Variants in ATP4A observed in about 807,000 individuals in gnomAD.
ATP4A encodes potassium-transporting ATPase alpha chain 1.
Under a neutral mutation model 112.1 loss-of-function variants are expected in ATP4A, and 73 were observed. The ratio of observed to expected loss-of-function variants is 0.65; its 90% CI spans 0.54 to 0.79. The LOEUF is 0.79. ATP4A is among the 30% of genes least tolerant of loss of function. The pLI is 0.00. For synonymous variants in ATP4A, 588 were observed against 588.9 expected, an observed-to-expected ratio of 1.00 and a Z score of 0.02; for missense variants, 1,081 against 1,425.9, an observed-to-expected ratio of 0.76 and a Z score of 3.90.
At position 35,557,947 on chromosome 19, in the gene ATP4A, G is replaced by T. The variant is rs902792963; in HGVS notation, c.1501-100C>A. The T allele has an allele frequency of 1.7e-5, 16 of 958,976 alleles. No individual in the cohort carries two copies. The highest frequency in any genetic ancestry group is 2.2e-5 in the Non-Finnish European group (15 of 670,854). 59.4% of individuals were successfully genotyped at this position (958,976 alleles called of 1,614,324 possible). ...GCTGAGGAGAGGGGCGGGGCCGAGA[G>T]CTCGGTGCGGGCTCTGAGAGCTGCG... On this transcript the variant is annotated intron_variant, in intron 10 of 21. Coordinates refer to ENST00000262623, the MANE Select transcript of ATP4A (RefSeq NM_000704.3). The surrounding 1 kb of genome is among the most constrained non-coding windows in gnomAD (Gnocchi z 4.4).
chr19:35,555,630 T>C lies in ATP4A; in HGVS notation c.2007-40A>G. 1 of 1,580,534 alleles carries C rather than the reference T, an allele frequency of 6.3e-7. No homozygotes were observed. On this transcript the variant is annotated intron_variant, in intron 13 of 21. Transcript: ENST00000262623. This position sits in a 1 kb window ranked among gnomAD's most constrained non-coding sequence, Gnocchi z 6.6. Reference sequence around the variant, plus strand: ...GGAGGACCTCGCTGGGACCTCGGTCTGTGCCAGATGTGGGGAGAACCCCGG... The same window carrying C: ...GGAGGACCTCGCTGGGACCTCGGTCCGTGCCAGATGTGGGGAGAACCCCGG...
intron 16 of ATP4A, 129 bp from the exon 17 acceptor site, chr19:35,553,958 G>A (rs1242284413): frequency 2.4e-5 from 32 of 1,342,146 alleles, no homozygotes; most frequent in East Asian, 8.0e-5. Context: ...CTGCAGGGAC[G>A]GCACAGCCAC....
At position 35,559,121 on chromosome 19, in the gene ATP4A, T is replaced by C; in HGVS notation, c.1127A>G (p.Glu376Gly). The C allele has an allele frequency of 6.2e-7, 1 of 1,614,166 alleles. No individual in the cohort carries two copies. The highest frequency in any genetic ancestry group is 1.1e-5 in the South Asian group (1 of 91,088). The change falls in exon 8 of 22, where the codon GAG (glutamate) becomes GGG (glycine). Residue 376 changes from glutamate to glycine, a missense_variant. Coordinates refer to ENST00000262623, the MANE Select transcript of ATP4A (RefSeq NM_000704.3). This position sits in a 1 kb window ranked among gnomAD's most constrained non-coding sequence, Gnocchi z 4.1. The stretch of plus-strand genomic sequence containing the variant: ...GATCACCGAAGTGGAGCCCAATGTC[T>C]CCACCGCCTCCAGGTTCTTGACCAC... ...NCVVKNLEAV[E>G]TLGSTSVICS...
At chr19:35,552,841 G>A (rs550694456) in intron 18 of ATP4A, among the ~76,000 whole-genome samples, 196 bp downstream of exon 18, 14 of 152,334 alleles carry the variant, frequency 9.2e-5, no homozygotes, top group Admixed American at 2.6e-4. Context: ...CTGCAGTTGC[G>A]ATCATCAGAA....
At position 35,557,776 on chromosome 19, in the gene ATP4A, G is replaced by A; in HGVS notation, c.1572C>T (p.Arg524=). 6 of 1,582,734 alleles carry A rather than the reference G, an allele frequency of 3.8e-6. No individual in the cohort carries two copies. Among genetic ancestry groups the A allele is most frequent in the Non-Finnish European group, 5.2e-6 (6 of 1,159,102 alleles). ...HLLVMKGAPE[R]VLERCSSILI... is the part of the protein sequence containing the mutation. ...GGATGGAGCTGCAGCGCTCCAGCAC[G>A]CGCTCGGGGGCGCCCTTCATCACCA... The change falls in exon 11 of 22, where the codon CGC becomes CGT. Residue 524 remains arginine, a synonymous_variant. Transcript: ENST00000262623. The surrounding 1 kb of genome is among the most constrained non-coding windows in gnomAD (Gnocchi z 4.4).
In ATP4A at chr19:35,557,124, GGCACACCCTTTCTTAGCAGGGCCA is replaced by G; in HGVS notation, c.1694-60_1694-37del. ...ACGGGGAAGTCAGGGAAGAGCCCTG[GGCACACCCTTTCTTAGCAGGGCCA>G]GGAAATGGGTAAAATAACCAGGCCC... On this transcript the variant is annotated intron_variant, in intron 11 of 21. Coordinates refer to ENST00000262623, the MANE Select transcript of ATP4A (RefSeq NM_000704.3). This position sits in a 1 kb window ranked among gnomAD's most constrained non-coding sequence, Gnocchi z 4.4. The G allele has an allele frequency of 6.2e-7, 1 of 1,609,674 alleles. No individual in the cohort carries two copies.
At position 35,559,906 on chromosome 19, in the gene ATP4A, T is replaced by TA. The variant is rs35530151; in HGVS notation, c.954dup (p.Ile319TyrfsTer27). On this transcript the variant is annotated frameshift_variant, in exon 7 of 22. Transcript: ENST00000262623. LOFTEE classifies it high-confidence loss of function. This position sits in a 1 kb window ranked among gnomAD's most constrained non-coding sequence, Gnocchi z 4.1. Reference sequence around the variant, plus strand: ...GTGTAGCCAATGCACATGGCCACAATAAAAAATGTGGCACCGAAGAGAATG... The same window carrying TA: ...GTGTAGCCAATGCACATGGCCACAATAAAAAAATGTGGCACCGAAGAGAATG... 8.1e-6 allele frequency: 13 copies of TA among 1,614,030 alleles called. No individual in the cohort carries two copies. Among genetic ancestry groups the TA allele is most frequent in the Non-Finnish European group, 1.1e-5 (13 of 1,180,010 alleles).
Position 35,550,510 on chromosome 19 carries a change from G to A in ATP4A, c.*105C>T. 1 of 1,462,714 alleles carries A rather than the reference G, an allele frequency of 6.8e-7. No homozygotes were observed. Among genetic ancestry groups the A allele is most frequent in the Non-Finnish European group, 9.5e-7 (1 of 1,055,260 alleles). The allele number at this position is 1,462,714 out of a possible 1,614,324, so 90.6% of individuals were successfully genotyped here. A position where few individuals can be genotyped will look rare whatever the true frequency, so the allele number is the denominator to read the frequency against. On this transcript the variant is annotated 3_prime_UTR_variant, in exon 22 of 22. Transcript: ENST00000262623. This position sits in a 1 kb window ranked among gnomAD's most constrained non-coding sequence, Gnocchi z 4.1. ...ACAGAAGCAGATACTGGTGGGGCTG[G>A]GACTCTTGGTTGCTCAGATATCTTG...
chr19:35,559,161 C>T lies in ATP4A; in HGVS notation c.1087G>A (p.Ala363Thr). The change falls in exon 8 of 22, where the codon GCC becomes ACC. Residue 363 changes from alanine (A) to threonine (T), a missense_variant. Around this residue, in one of 3 missense-constraint regions of ATP4A, gnomAD observed 850 missense variants for 1,068.2 expected, o/e 0.80. Coordinates refer to ENST00000262623, the MANE Select transcript of ATP4A (RefSeq NM_000704.3). The surrounding 1 kb of genome is among the most constrained non-coding windows in gnomAD (Gnocchi z 4.1). ...VCLSLTAKRL[A>T]SKNCVVKNLE... The stretch of plus-strand genomic sequence containing the variant: ...TTCTTGACCACGCAGTTCTTACTGG[C>T]CAGGCGCTTGGCTGTCAGGGACAGG... 1 of 1,614,132 alleles carries T rather than the reference C, an allele frequency of 6.2e-7. No homozygotes were observed. Among genetic ancestry groups the T allele is most frequent in the Non-Finnish European group, 8.5e-7 (1 of 1,180,036 alleles).
In ATP4A at chr19:35,557,822, G is replaced by C; in HGVS notation, c.1526C>G (p.Pro509Arg). The C allele has an allele frequency of 6.4e-7, 1 of 1,556,862 alleles. No individual in the cohort carries two copies. The highest frequency in any genetic ancestry group is 1.4e-5 in the African/African-American group (1 of 73,278). The change falls in exon 11 of 22, where the codon CCG (proline) becomes CGG (arginine). Residue 509 changes from proline to arginine, a missense_variant. Pro to Arg is a moderately radical substitution (Grantham distance 103). This residue lies in a region of ATP4A where 850 missense variants were observed against 1,068.2 expected (regional missense o/e 0.80). Transcript: ENST00000262623. The surrounding 1 kb of genome is among the most constrained non-coding windows in gnomAD (Gnocchi z 4.4). ...CACCAGCAAGTGTCGCGGGTCCCGC[G>C]GGTCCTCCAGCGTATGGATGGACAG... is the stretch of plus-strand genomic sequence containing the variant. Reference protein sequence around the residue: ...FQLSIHTLEDPRDPRHLLVMK... With the variant: ...FQLSIHTLEDRRDPRHLLVMK...
rs780485436 is a variant in ATP4A, at chr19:35,559,200, G to A, written c.1057-9C>T. On this transcript the variant is annotated splice_polypyrimidine_tract_variant and intron_variant, in intron 7 of 21. Coordinates refer to ENST00000262623, the MANE Select transcript of ATP4A (RefSeq NM_000704.3). The surrounding 1 kb of genome is among the most constrained non-coding windows in gnomAD (Gnocchi z 4.1). ...GTCAGGGACAGGCAGACCTGGGGAA[G>A]GGGTGAGCACCGCAGGCTGGGGACC... 16 of 1,613,484 alleles carry A rather than the reference G, an allele frequency of 9.9e-6. No individual in the cohort carries two copies. In the Middle Eastern group the frequency reaches 9.9e-4, roughly 100 times the overall value.
rs919259055 is a variant in ATP4A at position 35,550,388 on chromosome 19, A to G, written c.*227T>C. The G allele has an allele frequency of 3.7e-5, 22 of 600,842 alleles. No individual in the cohort carries two copies. The highest frequency in any genetic ancestry group is 4.5e-4 in the Middle Eastern group (1 of 2,236). The allele number at this position is 600,842 out of a possible 1,614,324, so 37.2% of individuals were successfully genotyped here. ...GTGGCGGCTTTCCCGAGGCCAGCCC[A>G]GAGGACTGCCCAGGCGCTGCTGCTC... is the stretch of plus-strand genomic sequence containing the variant. On this transcript the variant is annotated 3_prime_UTR_variant, in exon 22 of 22. Coordinates refer to ENST00000262623, the MANE Select transcript of ATP4A (RefSeq NM_000704.3). This position sits in a 1 kb window ranked among gnomAD's most constrained non-coding sequence, Gnocchi z 4.1.
chr19:35,563,637 G>A lies in ATP4A; in HGVS notation c.-8C>T, dbSNP rs776647137. On this transcript the variant is annotated 5_prime_UTR_variant, in exon 1 of 22. Transcript: ENST00000262623. ...ACTCACGGCCTTCCCCATGGTGCCC[G>A]GTGCCTGTGCTCCCACCCAACAGAG... 7 of 1,613,794 alleles carry A rather than the reference G, an allele frequency of 4.3e-6. No homozygotes were observed. The highest frequency in any genetic ancestry group is 2.5e-6 in the Non-Finnish European group (3 of 1,179,936).
In ATP4A at chr19:35,557,965, G is replaced by A; in HGVS notation, c.1501-118C>T. ...GCCGAGAGCTCGGTGCGGGCTCTGA[G>A]AGCTGCGGGGAAGGGTGAAGGTGGA... On this transcript the variant is annotated intron_variant, in intron 10 of 21. Transcript: ENST00000262623. This position sits in a 1 kb window ranked among gnomAD's most constrained non-coding sequence, Gnocchi z 4.4. 1.2e-6 allele frequency: 1 copy of A among 848,382 alleles called. No homozygotes were observed. The highest frequency in any genetic ancestry group is 1.8e-6 in the Non-Finnish European group (1 of 568,256). The allele number at this position is 848,382 out of a possible 1,614,324, so 52.6% of individuals were successfully genotyped here.
In ATP4A at chr19:35,562,558, C is replaced by G. The variant is rs745622171; in HGVS notation, c.297G>C (p.Glu99Asp). 3 of 1,612,952 alleles carry G rather than the reference C, an allele frequency of 1.9e-6. No homozygotes were observed. The East Asian group carries it at 6.7e-5, about 36-fold the overall frequency. Reference protein sequence around the residue: ...NALRPPRGTPEYVKFARQLAG... With the variant: ...NALRPPRGTPDYVKFARQLAG... ...CCAGCTGCCTCGCGAACTTGACGTA[C>G]TCTGGGGTGCCCCGTGGTGGCCGCA... Residue 99 changes from glutamate (E) to aspartate (D), a missense_variant, in exon 4 of 22, where the codon GAG becomes GAC. Physicochemically the swap from Glu to Asp is conservative, Grantham distance 45. Transcript: ENST00000262623.
rs1418736375 is a variant in ATP4A at position 35,560,811 on chromosome 19, GA to G, written c.534+7del. Reference sequence around the variant, plus strand: ...GGATCTGGAGTGGCTGGGTGCTGGGGAACCCACCTGTGGCACAAGGTTCTTA... The same window carrying G: ...GGATCTGGAGTGGCTGGGTGCTGGGGACCCACCTGTGGCACAAGGTTCTTA... On this transcript the variant is annotated splice_region_variant and intron_variant, in intron 5 of 21. Coordinates refer to ENST00000262623, the MANE Select transcript of ATP4A (RefSeq NM_000704.3). This position sits in a 1 kb window ranked among gnomAD's most constrained non-coding sequence, Gnocchi z 5.1. The G allele has an allele frequency of 6.2e-7, 1 of 1,613,272 alleles. No individual in the cohort carries two copies. The highest frequency in any genetic ancestry group is 1.1e-5 in the South Asian group (1 of 91,058).
Position 35,558,132 on chromosome 19 carries a change from T to C in ATP4A, c.1500+230A>G, listed in dbSNP as rs867233286. 18 of 637,934 alleles carry C rather than the reference T, an allele frequency of 2.8e-5. No individual in the cohort carries two copies. The highest frequency in any genetic ancestry group is 4.0e-5 in the Non-Finnish European group (15 of 377,946). The allele number at this position is 637,934 out of a possible 1,614,324, so 39.5% of individuals were successfully genotyped here. On this transcript the variant is annotated intron_variant, in intron 10 of 21. Coordinates refer to ENST00000262623, the MANE Select transcript of ATP4A (RefSeq NM_000704.3). This position sits in a 1 kb window ranked among gnomAD's most constrained non-coding sequence, Gnocchi z 5.1. ...CTGGGGGCGGATTTGGAGAGCGAGG[T>C]GCTCCCCATGGACAGTCCCGCCGAG...
Position 35,555,749 on chromosome 19 carries a change from T to C in ATP4A, c.1933A>G (p.Ile645Val). The change falls in exon 13 of 22, where the codon ATC becomes GTC. Residue 645 changes from isoleucine to valine, a missense_variant. Around this residue, in one of 3 missense-constraint regions of ATP4A, gnomAD observed 850 missense variants for 1,068.2 expected, o/e 0.80. Coordinates refer to ENST00000262623, the MANE Select transcript of ATP4A (RefSeq NM_000704.3). The surrounding 1 kb of genome is among the most constrained non-coding windows in gnomAD (Gnocchi z 6.6). ...AKAIAASVGI[I>V]SEGSETVEDI... ...TCCACTGTCTCGCTGCCTTCCGAGATGATGCCCACACTGGCTGCAATGGCC... is the reference window on the plus strand; with the variant it reads ...TCCACTGTCTCGCTGCCTTCCGAGACGATGCCCACACTGGCTGCAATGGCC... The C allele has an allele frequency of 6.2e-7, 1 of 1,613,662 alleles. No individual in the cohort carries two copies. Among genetic ancestry groups the C allele is most frequent in the Non-Finnish European group, 8.5e-7 (1 of 1,179,646 alleles).
chr19:35,550,937 T>C lies in ATP4A; in HGVS notation c.2988-12A>G, dbSNP rs756021473. 1.2e-6 allele frequency: 2 copies of C among 1,613,976 alleles called. No homozygotes were observed. The highest frequency in any genetic ancestry group is 4.5e-5 in the East Asian group (2 of 44,876). On this transcript the variant is annotated splice_polypyrimidine_tract_variant and intron_variant, in intron 20 of 21. Transcript: ENST00000262623. The surrounding 1 kb of genome is among the most constrained non-coding windows in gnomAD (Gnocchi z 4.1). ...GCCACCACTGGAACCTGAAGGCACA[T>C]GGCAAGGTGAAGGCCATCCCAGGCC...
Sources: gnomAD v4.1 joint callset for allele counts (sites outside exome capture counted in the v4.1 genomes callset) on GRCh38, gnomAD v4.1.1 for gene constraint, gnomAD v4.1.1 regional missense constraint, Gnocchi (gnomAD v3.1) non-coding constraint, MANE v1.5 for transcripts, NCBI Gene and HGNC (gene_info 2026-07-23, HGNC 2026-07-21) for gene names.